Variants in UBE2K observed in about 807,000 individuals in gnomAD.
UBE2K encodes ubiquitin-conjugating enzyme E2 K.
A neutral mutation model predicts 30.0 loss-of-function variants in UBE2K; 6 were observed. The observed-to-expected ratio is 0.20, with a 90% CI of 0.11 to 0.39. The LOEUF is 0.39. UBE2K is among the 10% of genes least tolerant of loss of function. The probability of loss-of-function intolerance (pLI) is 1.00; values close to 1 mark genes in which losing one functional copy is unlikely to be tolerated. For synonymous variants in UBE2K, 86 were observed against 83.7 expected, an observed-to-expected ratio of 1.03 and a Z score of -0.15; for missense variants, 61 against 241.6, an observed-to-expected ratio of 0.25 and a Z score of 4.96.
At chr4:39,703,207 G>T (rs1248550757) in intron 1 of UBE2K, among the ~76,000 whole-genome samples, 1 of 152,078 alleles carries the variant, frequency 6.6e-6, no homozygotes, top group Non-Finnish European at 1.5e-5. Context: ...GGCCAGGCTG[G>T]CCTGACAAAA....
chr4:39,737,611 G>A (rs911606228), intron 2 of UBE2K, 98 bp downstream of exon 2: 2 of 755,642 alleles, frequency 2.6e-6, no homozygotes, highest in East Asian at 6.4e-5. Flanking sequence ...TATATGGAGG[G>A]TAACTTCATT....
chr4:39,750,149 G>A (rs554809998), intron 3 of UBE2K, among the ~76,000 whole-genome samples: 2 of 151,804 alleles, frequency 1.3e-5, no homozygotes, highest in Admixed American at 6.6e-5. Flanking sequence ...AGCTAAGATC[G>A]CACCACTGCA....
intron 3 of UBE2K, among the ~76,000 whole-genome samples, chr4:39,751,676 AAAATAAAT>A (rs1282984416): frequency 2.0e-5 from 3 of 152,052 alleles, no homozygotes; most frequent in African/African-American, 7.2e-5. Context: ...CCCTGTCTCA[AAAATAAAT>A]AAAAAAGGCC....
intron 4 of UBE2K, among the ~76,000 whole-genome samples, chr4:39,774,219 G>A (rs1250506593): frequency 1.2e-4 from 18 of 152,010 alleles, no homozygotes; most frequent in African/African-American, 4.4e-4. Flanking sequence ...CAGGAGAATC[G>A]CTTGAGCCCA....
intron 4 of UBE2K, among the ~76,000 whole-genome samples, chr4:39,768,971 G>A (rs1712544070): frequency 6.6e-6 from 1 of 152,060 alleles, no homozygotes; most frequent in African/African-American, 2.4e-5. Flanking sequence ...GATTAGAGGT[G>A]TGCACTATCA....
Position 39,698,342 on chromosome 4 carries a change from G to T in UBE2K, c.15G>T (p.Ala5=). Residue 5 remains alanine, a synonymous_variant, in exon 1 of 7, where the codon GCG becomes GCT. Coordinates refer to ENST00000261427, the MANE Select transcript of UBE2K (RefSeq NM_005339.5). The part of the protein sequence containing the change: MANI[A]VQRIKREFKE... ...CGGGCGGAGACATGGCCAACATCGCGGTGCAGCGAATCAAGCGGGAGTTCA... is the reference window on the plus strand; with the variant it reads ...CGGGCGGAGACATGGCCAACATCGCTGTGCAGCGAATCAAGCGGGAGTTCA... The T allele has an allele frequency of 6.2e-7, 1 of 1,612,982 alleles. No homozygotes were observed. The highest frequency in any genetic ancestry group is 1.1e-5 in the South Asian group (1 of 90,838).
intron 4 of UBE2K, among the ~76,000 whole-genome samples, chr4:39,762,103 G>A (rs923343417): frequency 4.5e-4 from 68 of 151,924 alleles, no homozygotes; most frequent in African/African-American, 1.6e-3. Flanking sequence ...GCTTAAACCT[G>A]GAGGGGCAGA....
chr4:39,756,357 C>G (rs1160802040), intron 4 of UBE2K, among the ~76,000 whole-genome samples: 2 of 152,212 alleles, frequency 1.3e-5, no homozygotes, highest in Non-Finnish European at 2.9e-5. Flanking sequence ...GCCTTAGTGT[C>G]CTCATCTGCA....
At chr4:39,723,561 T>A (rs1258407291) in intron 1 of UBE2K, among the ~76,000 whole-genome samples, 1 of 151,226 alleles carries the variant, frequency 6.6e-6, no homozygotes, top group African/African-American at 2.4e-5. Flanking sequence ...GTAGAAACAG[T>A]GTTTCACTGT....
chr4:39,712,968 C>T (rs1283310584), intron 1 of UBE2K, among the ~76,000 whole-genome samples: 4 of 151,500 alleles, frequency 2.6e-5, no homozygotes, highest in Admixed American at 2.0e-4. Context: ...TGGGTTCAAG[C>T]GATTGTCCTG....
In UBE2K at chr4:39,757,005, TTTTTTG is replaced by T. The variant is rs1322920474; in HGVS notation, c.299+1272_299+1277del. On this transcript the variant is annotated intron_variant, in intron 4 of 6. Transcript: ENST00000261427. ...TAAGCTATGTTTTTTTGGGTGTTTT[TTTTTTG>T]TTTTTTGTTTTTTGTTTTTTGTTTT... Among the ~76,000 whole-genome samples, 23 of 115,284 alleles carry T rather than the reference TTTTTTG, an allele frequency of 2.0e-4. 1 individual carries two copies. Among genetic ancestry groups the T allele is most frequent in the African/African-American group, 4.3e-4 (12 of 27,714 alleles). The allele number at this position is 115,284 out of a possible 152,430, so 75.6% of individuals were successfully genotyped here. A position where few individuals can be genotyped will look rare whatever the true frequency, so the allele number is the denominator to read the frequency against.
At position 39,780,540 on chromosome 4, in the gene UBE2K, GC is replaced by G. The variant is rs949368261; in HGVS notation, c.*2109del. 1.3e-5 allele frequency: 2 copies of G among 152,026 alleles called. No individual in the cohort carries two copies. Among genetic ancestry groups the G allele is most frequent in the African/African-American group, 4.8e-5 (2 of 41,408 alleles). The allele number at this position is 152,026 out of a possible 1,614,324, so 9.4% of individuals were successfully genotyped here. On this transcript the variant is annotated 3_prime_UTR_variant, in exon 7 of 7. Coordinates refer to ENST00000261427, the MANE Select transcript of UBE2K (RefSeq NM_005339.5). ...CCTGCTTTGATTTTTATGCACATGA[GC>G]CCTATAGGGTTATATACTCATCTAA...
At chr4:39,767,274 G>C (rs1018327094) in intron 4 of UBE2K, among the ~76,000 whole-genome samples, 2 of 149,976 alleles carry the variant, frequency 1.3e-5, no homozygotes, top group Non-Finnish European at 3.0e-5. Flanking sequence ...ACTAATTTGA[G>C]AGATTATCAG....
intron 5 of UBE2K, 84 bp from the exon 6 acceptor site, chr4:39,777,598 G>A: frequency 8.0e-7 from 1 of 1,244,346 alleles, no homozygotes; most frequent in Non-Finnish European, 1.1e-6. Flanking sequence ...ATTTGGAAAA[G>A]TAGGATTGTA....
At chr4:39,709,194 C>A (rs571645311) in intron 1 of UBE2K, among the ~76,000 whole-genome samples, 1 of 151,856 alleles carries the variant, frequency 6.6e-6, no homozygotes. Context: ...ATTCAGTAAA[C>A]GGATAGCTGT....
chr4:39,750,126 G>A (rs953304133), intron 3 of UBE2K, among the ~76,000 whole-genome samples: 11 of 152,034 alleles, frequency 7.2e-5, no homozygotes, highest in Admixed American at 5.2e-4. Context: ...CCCAAGAGGC[G>A]GAGGTTGCAG....
At chr4:39,757,123 T>G (rs1212498768) in intron 4 of UBE2K, among the ~76,000 whole-genome samples, 1 of 151,090 alleles carries the variant, frequency 6.6e-6, no homozygotes, top group Non-Finnish European at 1.5e-5. Context: ...CCTACCGGGT[T>G]CAAGCGATTC....
intron 1 of UBE2K, among the ~76,000 whole-genome samples, chr4:39,719,141 C>T (rs541377904): frequency 6.6e-6 from 1 of 152,244 alleles, no homozygotes; most frequent in African/African-American, 2.4e-5. Flanking sequence ...ATACCTCAGA[C>T]TTTCAGTCTC....
intron 1 of UBE2K, among the ~76,000 whole-genome samples, chr4:39,727,604 G>C (rs982251587): frequency 2.0e-5 from 3 of 150,858 alleles, no homozygotes; most frequent in African/African-American, 7.3e-5. Context: ...CATAAGGATA[G>C]AGATGGGCTG....
Sources: allele counts gnomAD v4.1 joint callset (sites outside exome capture counted in the v4.1 genomes callset), GRCh38; gene constraint gnomAD v4.1.1; transcripts MANE v1.5; gene names NCBI Gene and HGNC (gene_info 2026-07-23, HGNC 2026-07-21).